The following CNKSR2 variants were observed in gnomAD, a reference collection of about 807,000 sequenced individuals.
CNKSR2 encodes the protein CNK homolog protein 2.
A neutral mutation model predicts 84.4 loss-of-function variants in CNKSR2; 14 were observed. That is an observed-to-expected ratio of 0.17 (90% CI 0.11 to 0.26). The LOEUF (loss-of-function observed/expected upper bound fraction) is 0.26, where lower values mean the gene tolerates loss of function less well. Among genes scored for constraint, CNKSR2 ranks in the 10% least tolerant of loss-of-function variants. The pLI, the probability that CNKSR2 is intolerant of heterozygous loss-of-function variation, is 1.00. For synonymous variants in CNKSR2, 275 were observed against 277.9 expected (o/e 0.99, Z 0.10); for missense variants, 485 against 771.2 (o/e 0.63, Z 4.40).
At chrX:21,595,730 C>T (rs1480739826) in intron 17 of CNKSR2, among the ~76,000 whole-genome samples, 1 of 111,518 alleles carries the variant, frequency 9.0e-6, no homozygotes. Flanking sequence ...ACCAAAAAAT[C>T]GGACTTTTTG....
intron 20 of CNKSR2, among the ~76,000 whole-genome samples, chrX:21,620,763 A>G (rs1423047921): frequency 9.0e-6 from 1 of 111,452 alleles, no homozygotes; most frequent in East Asian, 2.8e-4. Flanking sequence ...TAGTCTTTGA[A>G]GTTCCAGAGA....
At position 21,553,719 on chromosome X, in the gene CNKSR2, A is replaced by G. The variant is rs771036261; in HGVS notation, c.1304-7752A>G. ...ATTATCTTTTTTTACTTTTCATGAGAGTGACTGTCTTCCATATGCTGATAG... is the reference window on the plus strand; with the variant it reads ...ATTATCTTTTTTTACTTTTCATGAGGGTGACTGTCTTCCATATGCTGATAG... On this transcript the variant is annotated intron_variant, in intron 11 of 21. Transcript: ENST00000379510. Among the ~76,000 whole-genome samples the G allele has an allele frequency of 5.4e-5, 6 of 111,489 alleles. No homozygotes were observed. In the East Asian group the frequency reaches 1.4e-3, roughly 26 times the overall value.
chrX:21,635,958 T>C lies in CNKSR2; in HGVS notation c.2693-12873T>C, dbSNP rs767828395. 1.4e-4 allele frequency among the ~76,000 whole-genome samples: 16 copies of C among 111,721 alleles called. No homozygotes were observed. The South Asian group carries it at 5.2e-3, about 36-fold the overall frequency. On this transcript the variant is annotated intron_variant, in intron 20 of 21. Coordinates refer to ENST00000379510, the MANE Select transcript of CNKSR2 (RefSeq NM_014927.5). Reference sequence around the variant, plus strand: ...AAGACATTTTTACCACCCAGTCATATAAGTGAACCAAGATTCAGATAAGGT... The same window carrying C: ...AAGACATTTTTACCACCCAGTCATACAAGTGAACCAAGATTCAGATAAGGT...
At chrX:21,636,033 T>C (rs2092671049) in intron 20 of CNKSR2, among the ~76,000 whole-genome samples, 1 of 111,182 alleles carries the variant, frequency 9.0e-6, no homozygotes, top group Non-Finnish European at 1.9e-5. Context: ...AATGTCCTAA[T>C]AGGGTTTGAA....
rs1215600197 is a variant in CNKSR2, at chrX:21,397,852, A to T, written c.64+22891A>T. On this transcript the variant is annotated intron_variant, in intron 1 of 21. Coordinates refer to ENST00000379510, the MANE Select transcript of CNKSR2 (RefSeq NM_014927.5). ...TACACATATCGAAATATCACTCTGT[A>T]GCCCATAAATATGCACAATTATTAC... is the stretch of plus-strand genomic sequence containing the variant. 3.6e-5 allele frequency among the ~76,000 whole-genome samples: 4 copies of T among 111,921 alleles called. No individual in the cohort carries two copies. The East Asian group carries it at 1.1e-3, about 31-fold the overall frequency.
intron 11 of CNKSR2, among the ~76,000 whole-genome samples, chrX:21,535,264 G>C (rs1424420301): frequency 9.0e-6 from 1 of 111,625 alleles, no homozygotes; most frequent in Non-Finnish European, 1.9e-5. Context: ...GTGCAATGCT[G>C]ATTTGGTTAT....
chrX:21,507,718 T>C (rs1660733370), intron 8 of CNKSR2, among the ~76,000 whole-genome samples: 1 of 111,764 alleles, frequency 8.9e-6, no homozygotes, highest in African/African-American at 3.2e-5. Flanking sequence ...TTTAAACATA[T>C]TACTTTTTGA....
chrX:21,460,973 T>G (rs956959951), intron 4 of CNKSR2, among the ~76,000 whole-genome samples: 1 of 112,830 alleles, frequency 8.9e-6, no homozygotes, highest in African/African-American at 3.2e-5. Flanking sequence ...TTGGCTATTG[T>G]GAACAGAGCT....
chrX:21,381,225 C>T lies in CNKSR2; in HGVS notation c.64+6264C>T, dbSNP rs148474609. On this transcript the variant is annotated intron_variant, in intron 1 of 21. Transcript: ENST00000379510. ...TTCATGATGTAGAAAGCAAAATTGG[C>T]ATTATTTCAAAGATGAGACCAGAGA... 9.8e-3 allele frequency among the ~76,000 whole-genome samples: 1,097 copies of T among 111,399 alleles called. 19 individuals carry two copies. The highest frequency in any genetic ancestry group is 0.034 in the African/African-American group (1,041 of 30,653).
At chrX:21,466,975 A>T (rs771919807) in intron 4 of CNKSR2, among the ~76,000 whole-genome samples, 1 of 111,873 alleles carries the variant, frequency 8.9e-6, no homozygotes, top group South Asian at 3.8e-4. Context: ...GAAGGTAGAG[A>T]TACAAACAAG....
chrX:21,585,088 C>T (rs1323727767), intron 13 of CNKSR2, among the ~76,000 whole-genome samples: 3 of 106,657 alleles, frequency 2.8e-5, no homozygotes, highest in East Asian at 5.9e-4. Context: ...ACTAAAAATA[C>T]AAAAATTAGC....
intron 8 of CNKSR2, among the ~76,000 whole-genome samples, chrX:21,516,174 G>T (rs985822037): frequency 3.6e-5 from 4 of 111,284 alleles, no homozygotes; most frequent in African/African-American, 1.3e-4. Flanking sequence ...TCTAGACCTA[G>T]CAGCTGAGCA....
intron 13 of CNKSR2, among the ~76,000 whole-genome samples, chrX:21,580,007 A>G (rs2092344098): frequency 8.9e-6 from 1 of 112,168 alleles, no homozygotes; most frequent in Admixed American, 9.5e-5. Flanking sequence ...ACTATGAAAA[A>G]TGCCATCTAA....
intron 7 of CNKSR2, among the ~76,000 whole-genome samples, chrX:21,501,040 T>A (rs1459357276): frequency 9.0e-6 from 1 of 111,412 alleles, no homozygotes; most frequent in Non-Finnish European, 1.9e-5. Context: ...GTACTTGAAA[T>A]GGATTTGTTG....
In CNKSR2 at chrX:21,374,630, A is replaced by AGCAGCAGCAGCAGCCGCCGCC. The variant is rs547454548; in HGVS notation, c.-266_-265insAGCAGCAGCAGCCGCCGCCGC. 6.7e-5 allele frequency: 30 copies of AGCAGCAGCAGCAGCCGCCGCC among 445,344 alleles called. No homozygotes were observed. Among genetic ancestry groups the AGCAGCAGCAGCAGCCGCCGCC allele is most frequent in the South Asian group, 4.3e-4 (15 of 35,023 alleles). The allele number at this position is 445,344 out of a possible 1,213,427, so 36.7% of individuals were successfully genotyped here. ...CAGCAGCAGCAGCAGCAGCAGCAGC[A>AGCAGCAGCAGCAGCCGCCGCC]GCCGCCGCCGCCGCCGCCTTAGCGG... On this transcript the variant is annotated 5_prime_UTR_variant, in exon 1 of 22. Coordinates refer to ENST00000379510, the MANE Select transcript of CNKSR2 (RefSeq NM_014927.5).
At chrX:21,552,003 C>T (rs988954482) in intron 11 of CNKSR2, among the ~76,000 whole-genome samples, 1 of 110,030 alleles carries the variant, frequency 9.1e-6, no homozygotes, top group Non-Finnish European at 1.9e-5. Flanking sequence ...GATTACCTAG[C>T]CTGTTCTACA....
In CNKSR2 at chrX:21,497,807, A is replaced by G. The variant is rs1486393673; in HGVS notation, c.702A>G (p.Thr234=). 1 of 946,845 alleles carries G rather than the reference A, an allele frequency of 1.1e-6. No homozygotes were observed. The highest frequency in any genetic ancestry group is 1.9e-5 in the African/African-American group (1 of 52,775). The allele number at this position is 946,845 out of a possible 1,213,427, so 78.0% of individuals were successfully genotyped here. A position where few individuals can be genotyped will look rare whatever the true frequency, so the allele number is the denominator to read the frequency against. The stretch of plus-strand genomic sequence containing the variant: ...CTTAGGGTATGTATATTAAATCTAC[A>G]TATGATGGCCTCCATGTAATTACTG... The part of the protein sequence containing the change: ...SEGLGMYIKS[T]YDGLHVITGT... The change falls in exon 7 of 22, where the codon ACA becomes ACG. Residue 234 remains threonine (T), a synonymous_variant. Coordinates refer to ENST00000379510, the MANE Select transcript of CNKSR2 (RefSeq NM_014927.5).
At chrX:21,516,763 A>G in intron 9 of CNKSR2, 132 bp downstream of exon 9, 9 of 555,425 alleles carry the variant, frequency 1.6e-5, no homozygotes, top group Non-Finnish European at 2.2e-5. Context: ...TGTTTGTGAA[A>G]TGATCTCTTC....
chrX:21,583,438 A>T (rs1421782001), intron 13 of CNKSR2, among the ~76,000 whole-genome samples: 1 of 112,004 alleles, frequency 8.9e-6, no homozygotes, highest in Non-Finnish European at 1.9e-5. Context: ...CATTTTTTGT[A>T]AAGTATTTAA....
Sources: gnomAD v4.1 joint callset for allele counts (sites outside exome capture counted in the v4.1 genomes callset) on GRCh38, gnomAD v4.1.1 for gene constraint, MANE v1.5 for transcripts, NCBI Gene and HGNC (gene_info 2026-07-23, HGNC 2026-07-21) for gene names.